Variants in LRRFIP2 observed in about 807,000 individuals in gnomAD.
LRRFIP2 encodes leucine-rich repeat flightless-interacting protein 2.
LRRFIP2 carries 109 observed loss-of-function variants against 125.9 expected under a neutral mutation model. The ratio of observed to expected loss-of-function variants is 0.87; its 90% confidence interval spans 0.74 to 1.01. The LOEUF is 1.01. LRRFIP2 is among the 50% of genes least tolerant of loss of function. The probability of loss-of-function intolerance (pLI) is 0.00; values close to 1 mark genes in which losing one functional copy is unlikely to be tolerated. For synonymous variants in LRRFIP2, 291 were observed against 293.1 expected, an observed-to-expected ratio of 0.99 and a Z score of 0.07; for missense variants, 850 against 862.3, an observed-to-expected ratio of 0.99 and a Z score of 0.18.
chr3:37,085,835 G>A (rs1019029409), intron 18 of LRRFIP2, among the ~76,000 whole-genome samples: 3 of 151,952 alleles, frequency 2.0e-5, no homozygotes, highest in South Asian at 2.1e-4. Flanking sequence ...GCCCACCTCC[G>A]CCTCCCAAAG....
intron 4 of LRRFIP2, among the ~76,000 whole-genome samples, chr3:37,126,237 C>A: frequency 6.6e-6 from 1 of 152,206 alleles, no homozygotes; most frequent in East Asian, 1.9e-4. Flanking sequence ...ACCATGTTGG[C>A]CAGGCTGGTC....
At chr3:37,138,558 C>G (rs1239114325) in intron 2 of LRRFIP2, among the ~76,000 whole-genome samples, 1 of 152,090 alleles carries the variant, frequency 6.6e-6, no homozygotes, top group Non-Finnish European at 1.5e-5. Context: ...AGTAGTTCCC[C>G]CTTATCCAAG....
At chr3:37,086,217 G>C (rs1334953256) in intron 18 of LRRFIP2, among the ~76,000 whole-genome samples, 1 of 152,128 alleles carries the variant, frequency 6.6e-6, no homozygotes, top group Non-Finnish European at 1.5e-5. Context: ...CAAAAATACA[G>C]AAGACAAGTG....
intron 6 of LRRFIP2, among the ~76,000 whole-genome samples, chr3:37,118,365 G>T (rs551633051): frequency 6.6e-6 from 1 of 152,122 alleles, no homozygotes; most frequent in Admixed American, 6.5e-5. Flanking sequence ...GCCTGGCCAA[G>T]ATCACTTCAT....
chr3:37,145,952 AG>A (rs2095847544), intron 2 of LRRFIP2, among the ~76,000 whole-genome samples: 1 of 152,258 alleles, frequency 6.6e-6, no homozygotes, highest in Non-Finnish European at 1.5e-5. Flanking sequence ...AGATTTTATA[AG>A]GATTAAATGA....
At chr3:37,134,864 TACA>T (rs1156644705) in intron 2 of LRRFIP2, 2 of 1,208,620 alleles carry the variant, frequency 1.7e-6, no homozygotes, top group Non-Finnish European at 2.4e-6. Context: ...AGGTTGCATG[TACA>T]ACAAGGATTT....
intron 19 of LRRFIP2, among the ~76,000 whole-genome samples, chr3:37,082,267 C>G (rs1388125459): frequency 1.3e-5 from 2 of 152,158 alleles, no homozygotes; most frequent in African/African-American, 4.8e-5. Flanking sequence ...ATATACATAT[C>G]TAGCATATAT....
At chr3:37,110,936 TAG>T in intron 9 of LRRFIP2, 53 bp downstream of exon 9, 1 of 1,525,740 alleles carries the variant, frequency 6.6e-7, no homozygotes, top group South Asian at 1.1e-5. Context: ...ATGGGGAGAT[TAG>T]AAATATGTTA....
At chr3:37,150,469 TA>T (rs1334901932) in intron 1 of LRRFIP2, among the ~76,000 whole-genome samples, 1 of 151,530 alleles carries the variant, frequency 6.6e-6, no homozygotes, top group Non-Finnish European at 1.5e-5. Flanking sequence ...TCTCGAAATA[TA>T]AAAAAAAGAA....
At chr3:37,149,086 T>C in intron 1 of LRRFIP2, 48 bp from the exon 2 acceptor site, 1 of 1,474,928 alleles carries the variant, frequency 6.8e-7, no homozygotes, top group Non-Finnish European at 9.1e-7. Flanking sequence ...TTTGTGCAAT[T>C]TTCATGCTCA....
intron 1 of LRRFIP2, among the ~76,000 whole-genome samples, chr3:37,161,467 A>G (rs1158946895): frequency 6.6e-6 from 1 of 152,242 alleles, no homozygotes; most frequent in Admixed American, 6.5e-5. Flanking sequence ...TTACATATTG[A>G]ATAACTTCAT....
intron 15 of LRRFIP2, among the ~76,000 whole-genome samples, chr3:37,098,653 A>G (rs2093859169): frequency 6.6e-6 from 1 of 152,046 alleles, no homozygotes; most frequent in Non-Finnish European, 1.5e-5. Context: ...TCAGCCTCCC[A>G]AAGTGCTGGG....
chr3:37,152,939 T>G (rs559026755), intron 1 of LRRFIP2, among the ~76,000 whole-genome samples: 4 of 152,160 alleles, frequency 2.6e-5, no homozygotes, highest in African/African-American at 4.8e-5. Flanking sequence ...GAAACAAAAA[T>G]GTAAGCATTT....
At chr3:37,112,707 T>TA (rs2094596109) in intron 8 of LRRFIP2, among the ~76,000 whole-genome samples, 1 of 152,240 alleles carries the variant, frequency 6.6e-6, no homozygotes, top group South Asian at 2.1e-4. Flanking sequence ...CTTCTTGTGA[T>TA]ATAGTACTAA....
chr3:37,094,714 C>T (rs1297168859), intron 17 of LRRFIP2, 78 bp downstream of exon 17: 2 of 856,748 alleles, frequency 2.3e-6, no homozygotes, highest in African/African-American at 1.7e-5. Context: ...TACTAAGTCA[C>T]ATTAAAGGTT....
Position 37,111,025 on chromosome 3 carries a change from C to G in LRRFIP2, c.479G>C (p.Arg160Thr). ...YFDQRNYSSL[R>T]HSKPTSAYYT... is the part of the protein sequence containing the mutation. ...GTAGGCAGAGGTGGGTTTGCTATGTCTAAGACTGCTATAGTTTCTCTGGTC... is the reference window on the plus strand; with the variant it reads ...GTAGGCAGAGGTGGGTTTGCTATGTGTAAGACTGCTATAGTTTCTCTGGTC... The change falls in exon 9 of 28, where the codon AGA becomes ACA. Residue 160 changes from arginine (R) to threonine (T), a missense_variant. Physicochemically the swap from Arg to Thr is moderately conservative, Grantham distance 71 (BLOSUM62 -1). Transcript: ENST00000336686. 2 of 1,613,766 alleles carry G rather than the reference C, an allele frequency of 1.2e-6. No homozygotes were observed. The highest frequency in any genetic ancestry group is 1.1e-5 in the South Asian group (1 of 91,066).
Position 37,121,644 on chromosome 3 carries a change from A to G in LRRFIP2, c.276T>C (p.Arg92=). The stretch of plus-strand genomic sequence containing the variant: ...ATAGGTTATTACAAACCAGATAAGG[A>G]CGATGGTGACTGGACCGGTGGGAAT... The part of the protein sequence containing the change: ...ARYSHRSSHH[R]PYLGVEDALS... The change falls in exon 5 of 28, where the codon CGT becomes CGC. Residue 92 remains arginine, a synonymous_variant. Coordinates refer to ENST00000336686, the MANE Select transcript of LRRFIP2 (RefSeq NM_006309.4). 6.2e-7 allele frequency: 1 copy of G among 1,614,236 alleles called. No homozygotes were observed. The highest frequency in any genetic ancestry group is 8.5e-7 in the Non-Finnish European group (1 of 1,180,032).
chr3:37,135,389 C>A (rs1481440549), intron 2 of LRRFIP2, among the ~76,000 whole-genome samples: 1 of 149,196 alleles, frequency 6.7e-6, no homozygotes, highest in Non-Finnish European at 1.5e-5. Context: ...ACCCAGGAGG[C>A]GGAGGCTGCA....
chr3:37,157,026 G>C (rs2150159833), intron 1 of LRRFIP2, among the ~76,000 whole-genome samples: 1 of 152,214 alleles, frequency 6.6e-6, no homozygotes, highest in South Asian at 2.1e-4. Flanking sequence ...CTACTTGGGA[G>C]GCTGAGGCAG....
Sources: gnomAD v4.1 joint callset for allele counts (sites outside exome capture counted in the v4.1 genomes callset) on GRCh38, gnomAD v4.1.1 for gene constraint, MANE v1.5 for transcripts, NCBI Gene and HGNC (gene_info 2026-07-23, HGNC 2026-07-21) for gene names.